The following ORMDL1 variants were observed in gnomAD, a reference collection of about 807,000 sequenced individuals.
The protein encoded by ORMDL1 is ORM1-like protein 1.
Under a neutral mutation model 13.0 loss-of-function variants are expected in ORMDL1, and 10 were observed. The ratio of observed to expected loss-of-function variants is 0.77; its 90% CI spans 0.47 to 1.30. The LOEUF (loss-of-function observed/expected upper bound fraction) is 1.30, where lower values mean the gene tolerates loss of function less well. ORMDL1 is among the 50% of genes most tolerant of loss of function. The pLI, the probability that ORMDL1 is intolerant of heterozygous loss-of-function variation, is 0.00. For synonymous variants in ORMDL1, 61 were observed against 63.9 expected, an observed-to-expected ratio of 0.95 and a Z score of 0.22; for missense variants, 171 against 186.7, an observed-to-expected ratio of 0.92 and a Z score of 0.49.
intron 4 of ORMDL1, chr2:189,774,867 T>G (rs1559188188): frequency 6.6e-6 from 1 of 151,996 alleles, no homozygotes; most frequent in Non-Finnish European, 1.5e-5. Context: ...AGGAGTTGGG[T>G]GGGGATAAAA....
At chr2:189,767,378 C>T (rs929366978), downstream of ORMDL1, among the ~76,000 whole-genome samples, 9 of 152,184 alleles carry the variant, frequency 5.9e-5, no homozygotes, top group East Asian at 1.9e-4. Context: ...CATCTGGCTT[C>T]GCTGTTCCCC....
intron 3 of ORMDL1, among the ~76,000 whole-genome samples, chr2:189,776,158 T>C (rs1379903221): frequency 1.3e-5 from 2 of 152,176 alleles, no homozygotes; most frequent in Non-Finnish European, 2.9e-5. Flanking sequence ...ATAAAATGAT[T>C]AAAATCTATT....
chr2:189,773,931 A>T (rs895585890), intron 4 of ORMDL1: 1 of 152,202 alleles, frequency 6.6e-6, no homozygotes, highest in Non-Finnish European at 1.5e-5. Flanking sequence ...CACTGTATAC[A>T]GGTACATCTC....
intron 3 of ORMDL1, among the ~76,000 whole-genome samples, chr2:189,776,252 A>G (rs17199060): frequency 0.034 from 5,184 of 152,276 alleles, 106 homozygotes; most frequent in South Asian, 0.07. Flanking sequence ...ATAGTTTGAT[A>G]TAATAGGTAT....
chr2:189,781,211 C>G (rs750512156), intron 3 of ORMDL1, among the ~76,000 whole-genome samples: 2 of 152,158 alleles, frequency 1.3e-5, no homozygotes, highest in Non-Finnish European at 2.9e-5. Flanking sequence ...GCATGAGCCA[C>G]CGTGACTGGC....
At chr2:189,778,643 C>T (rs142835285) in intron 3 of ORMDL1, among the ~76,000 whole-genome samples, 3 of 152,098 alleles carry the variant, frequency 2.0e-5, no homozygotes, top group Middle Eastern at 3.4e-3. Context: ...ACCTGTAATC[C>T]CAGCATTTTG....
At chr2:189,778,089 G>C in intron 3 of ORMDL1, 1 of 433,360 alleles carries the variant, frequency 2.3e-6, no homozygotes, top group Non-Finnish European at 4.5e-6. Context: ...CTTGAAACAC[G>C]GTTAGGGGGT....
downstream of ORMDL1, among the ~76,000 whole-genome samples, chr2:189,769,446 C>T (rs2047535738): frequency 6.6e-6 from 1 of 151,798 alleles, no homozygotes; most frequent in Admixed American, 6.6e-5. Flanking sequence ...CTAAGGGCTT[C>T]TCTAACTTAG....
intron 3 of ORMDL1, chr2:189,778,548 C>A: frequency 2.4e-6 from 1 of 421,672 alleles, no homozygotes; most frequent in Non-Finnish European, 4.8e-6. Context: ...CCTGGAGGGA[C>A]AGTTTTGCTG....
chr2:189,766,009 T>G (rs1416869939), downstream of ORMDL1, among the ~76,000 whole-genome samples: 1 of 151,736 alleles, frequency 6.6e-6, no homozygotes, highest in Non-Finnish European at 1.5e-5. Context: ...GTATTTTTAG[T>G]AGAGACGGGG....
intron 3 of ORMDL1, among the ~76,000 whole-genome samples, chr2:189,776,382 G>A (rs2047695759): frequency 6.6e-6 from 1 of 151,988 alleles, no homozygotes; most frequent in Non-Finnish European, 1.5e-5. Flanking sequence ...CAGATCATAT[G>A]TCTAAACATA....
intron 3 of ORMDL1, among the ~76,000 whole-genome samples, chr2:189,779,420 C>G (rs561337320): frequency 2.0e-5 from 3 of 152,294 alleles, no homozygotes; most frequent in Admixed American, 2.0e-4. Flanking sequence ...CTCTTAAAAA[C>G]AAAAGAGTAC....
intron 3 of ORMDL1, 127 bp downstream of exon 3, chr2:189,782,295 C>G: frequency 1.3e-6 from 1 of 741,180 alleles, no homozygotes; most frequent in Non-Finnish European, 2.2e-6. Flanking sequence ...CCAGAACTCT[C>G]TTCATCTTGC....
downstream of ORMDL1, among the ~76,000 whole-genome samples, chr2:189,766,580 T>C (rs1487698265): frequency 1.3e-5 from 2 of 152,132 alleles, no homozygotes; most frequent in Non-Finnish European, 2.9e-5. Context: ...AAAAATTAGC[T>C]GGTTGTGGTG....
chr2:189,764,815 A>G, the ORMDL1 span: 2 of 151,922 alleles, frequency 1.3e-5, no homozygotes, highest in East Asian at 1.9e-4. Context: ...AATACATATT[A>G]TATATTAAAA....
chr2:189,770,495 T>C lies in ORMDL1; in HGVS notation c.*1272A>G, dbSNP rs928722087. On this transcript the variant is annotated 3_prime_UTR_variant, in exon 5 of 5. Coordinates refer to ENST00000392349, the MANE Select transcript of ORMDL1 (RefSeq NM_016467.5). ...CCAAAAGTCAGTTTACTGACACGAA[T>C]TGATGTTTAAGTTGGTCTGTAACTC... The C allele has an allele frequency of 6.6e-6, 1 of 152,184 alleles. No individual in the cohort carries two copies. The highest frequency in any genetic ancestry group is 1.5e-5 in the Non-Finnish European group (1 of 68,014). 9.4% of individuals were successfully genotyped at this position (152,184 alleles called of 1,614,324 possible). A position where few individuals can be genotyped will look rare whatever the true frequency, so the allele number is the denominator to read the frequency against.
Position 189,771,910 on chromosome 2 carries a change from G to A in ORMDL1, c.327-8C>T, listed in dbSNP as rs2047587635. The stretch of plus-strand genomic sequence containing the variant: ...AAACTTGCCAGAAAATATCTGTAGA[G>A]ATAAAAGTTAAGAATATATATAACA... On this transcript the variant is annotated splice_region_variant and splice_polypyrimidine_tract_variant and intron_variant, in intron 4 of 4. Transcript: ENST00000392349. 6.4e-7 allele frequency: 1 copy of A among 1,556,058 alleles called. No homozygotes were observed. The highest frequency in any genetic ancestry group is 1.4e-5 in the African/African-American group (1 of 72,186).
At chr2:189,778,736 A>T (rs1431214185) in intron 3 of ORMDL1, among the ~76,000 whole-genome samples, 5 of 152,084 alleles carry the variant, frequency 3.3e-5, no homozygotes, top group Admixed American at 3.3e-4. Flanking sequence ...CTGTACTAAA[A>T]ATACAAAAAT....
intron 3 of ORMDL1, 91 bp downstream of exon 3, chr2:189,782,331 A>C (rs1252995748): frequency 6.7e-6 from 8 of 1,192,516 alleles, no homozygotes; most frequent in South Asian, 1.5e-5. Flanking sequence ...GTACCCATTA[A>C]GCAATAACTT....
Sources: gnomAD v4.1 joint callset for allele counts (sites outside exome capture counted in the v4.1 genomes callset) on GRCh38, gnomAD v4.1.1 for gene constraint, MANE v1.5 for transcripts, NCBI Gene and HGNC (gene_info 2026-07-23, HGNC 2026-07-21) for gene names.